Variants in EXO1 observed in about 807,000 individuals in gnomAD.
EXO1 encodes exonuclease 1.
EXO1 carries 69 observed loss-of-function variants against 84.5 expected under a neutral mutation model. That is an observed-to-expected ratio of 0.82 (90% CI 0.67 to 1.00). EXO1 has a LOEUF of 1.00. EXO1 is among the 50% of genes least tolerant of loss of function. The pLI, the probability that EXO1 is intolerant of heterozygous loss-of-function variation, is 0.00. For missense variants in EXO1, 1,045 were observed against 1,000.7 expected, an observed-to-expected ratio of 1.04 and a Z score of -0.60; for synonymous variants, 373 against 366.1, an observed-to-expected ratio of 1.02 and a Z score of -0.21.
At position 241,850,392 on chromosome 1, in the gene EXO1, G is replaced by C. The variant is rs1218659281; in HGVS notation, c.-17-17G>C. On this transcript the variant is annotated splice_polypyrimidine_tract_variant and intron_variant, in intron 3 of 15. Transcript: ENST00000366548. ...TTCTTTAAATATTACTGTTCTCCCT[G>C]TCTCTTTTCATATCAGGTAGTTAAT... is the stretch of plus-strand genomic sequence containing the variant. The C allele has an allele frequency of 6.5e-7, 1 of 1,532,810 alleles. No homozygotes were observed. The highest frequency in any genetic ancestry group is 9.0e-7 in the Non-Finnish European group (1 of 1,106,588). 95.0% of individuals were successfully genotyped at this position (1,532,810 alleles called of 1,614,324 possible). A position where few individuals can be genotyped will look rare whatever the true frequency, so the allele number is the denominator to read the frequency against.
At chr1:241,881,022 T>TC (rs1281576040) in intron 13 of EXO1, among the ~76,000 whole-genome samples, 1 of 152,036 alleles carries the variant, frequency 6.6e-6, no homozygotes, top group Non-Finnish European at 1.5e-5. Context: ...TTTTTATTGC[T>TC]CTTTTGTTTT....
intron 14 of EXO1, among the ~76,000 whole-genome samples, chr1:241,884,667 GTGTGTGT>G (rs1423099101): frequency 6.8e-4 from 12 of 17,566 alleles, no homozygotes; most frequent in South Asian, 5.7e-3. Flanking sequence ...GTGTGTGTGT[GTGTGTGT>G]GTGCACGTGC....
At chr1:241,872,314 G>A (rs1275952225) in intron 12 of EXO1, 36 bp downstream of exon 12, 4 of 1,605,158 alleles carry the variant, frequency 2.5e-6, no homozygotes, top group Non-Finnish European at 3.4e-6. Context: ...ATTGTCTGTT[G>A]TATTATGTAC....
chr1:241,882,004 C>T lies in EXO1; in HGVS notation c.2198C>T (p.Pro733Leu), dbSNP rs1662793970. 1 of 1,506,874 alleles carries T rather than the reference C, an allele frequency of 6.6e-7. No homozygotes were observed. The highest frequency in any genetic ancestry group is 9.2e-7 in the Non-Finnish European group (1 of 1,084,002). 93.3% of individuals were successfully genotyped at this position (1,506,874 alleles called of 1,614,324 possible). A position where few individuals can be genotyped will look rare whatever the true frequency, so the allele number is the denominator to read the frequency against. Residue 733 changes from proline (P) to leucine (L), a missense_variant, in exon 14 of 16, where the codon CCT (proline) becomes CTT (leucine). Pro to Leu is a moderately conservative substitution (Grantham distance 98, BLOSUM62 -3). Transcript: ENST00000366548. ...TCTCATTTCTCAAAAAAAGACACAC[C>T]TCTAAGGAACAAGGTAAAACATTTA... ...RLSHFSKKDT[P>L]LRNKVPGLYK... is the part of the protein sequence containing the mutation.
At chr1:241,868,266 C>G (rs1661863133) in intron 11 of EXO1, among the ~76,000 whole-genome samples, 1 of 151,032 alleles carries the variant, frequency 6.6e-6, no homozygotes, top group Non-Finnish European at 1.5e-5. Flanking sequence ...ATCCCAGCTA[C>G]TTGTGAGGCT....
In EXO1 at chr1:241,878,465, C is replaced by T. The variant is rs140874137; in HGVS notation, c.1515-284C>T. Among the ~76,000 whole-genome samples, 1,176 of 146,160 alleles carry T rather than the reference C, an allele frequency of 8.0e-3. 20 individuals carry two copies. Among genetic ancestry groups the T allele is most frequent in the African/African-American group, 0.029 (1,125 of 39,352 alleles). ...TGAGCCAAGATCCCGCCACTGCACT[C>T]CAGCCTGGTGACAGAGAGAGACTCT... is the stretch of plus-strand genomic sequence containing the variant. On this transcript the variant is annotated intron_variant, in intron 12 of 15. Transcript: ENST00000366548.
At chr1:241,858,469 C>T in intron 7 of EXO1, 37 bp from the exon 8 acceptor site, 2 of 1,363,922 alleles carry the variant, frequency 1.5e-6, no homozygotes, top group Middle Eastern at 1.8e-4. Flanking sequence ...ACAAAAGTGG[C>T]CCTTCTAGGT....
intron 12 of EXO1, among the ~76,000 whole-genome samples, chr1:241,878,327 C>T (rs4149974): frequency 0.013 from 2,034 of 152,144 alleles, 42 homozygotes; most frequent in African/African-American, 0.047. Context: ...GGAGAAACCC[C>T]GTCTCTACTA....
intron 11 of EXO1, among the ~76,000 whole-genome samples, chr1:241,867,376 T>C (rs543253574): frequency 2.0e-5 from 3 of 152,240 alleles, no homozygotes; most frequent in African/African-American, 7.2e-5. Context: ...CCATCAGATC[T>C]CATGAGACTT....
chr1:241,866,277 C>A (rs905725545), intron 10 of EXO1, among the ~76,000 whole-genome samples: 20 of 152,288 alleles, frequency 1.3e-4, no homozygotes, highest in Non-Finnish European at 1.3e-4. Flanking sequence ...CCACACCTGG[C>A]TAATTTTTGT....
At chr1:241,858,867 T>C (rs922597977) in intron 8 of EXO1, 149 bp downstream of exon 8, 1 of 682,132 alleles carries the variant, frequency 1.5e-6, no homozygotes, top group Non-Finnish European at 2.5e-6. Context: ...ACTAGAACTT[T>C]GCCTTAGCAA....
At chr1:241,854,144 T>C (rs887043140) in intron 6 of EXO1, among the ~76,000 whole-genome samples, 1 of 152,104 alleles carries the variant, frequency 6.6e-6, no homozygotes, top group African/African-American at 2.4e-5. Context: ...TTTTGTTCGT[T>C]TGTTTGTTTT....
intron 13 of EXO1, 97 bp downstream of exon 13, chr1:241,879,440 G>A (rs1332703908): frequency 1.9e-5 from 13 of 701,128 alleles, no homozygotes; most frequent in African/African-American, 5.4e-5. Flanking sequence ...TGTGAATGAC[G>A]AGCTATATTA....
chr1:241,855,645 G>A (rs935452901), intron 6 of EXO1, among the ~76,000 whole-genome samples: 1 of 152,218 alleles, frequency 6.6e-6, no homozygotes, highest in Non-Finnish European at 1.5e-5. Context: ...GTGCTCGTTG[G>A]GGAGGCTCGG....
intron 14 of EXO1, among the ~76,000 whole-genome samples, chr1:241,884,929 C>T (rs563590441): frequency 3.3e-5 from 5 of 152,048 alleles, no homozygotes; most frequent in Non-Finnish European, 5.9e-5. Flanking sequence ...ATAGTTTGGC[C>T]GTGTGTGGTG....
Position 241,872,256 on chromosome 1 carries a change from G to A in EXO1, c.1492G>A (p.Val498Met), listed in dbSNP as rs968122650. Residue 498 changes from valine to methionine, a missense_variant, in exon 12 of 16, where the codon GTG becomes ATG. Coordinates refer to ENST00000366548, the MANE Select transcript of EXO1 (RefSeq NM_130398.4). ...GAAAAATGAAGAAAGTGGTGCAGTT[G>A]TGGTTCCAGGGACCAGAAGCAGGTA... ...QRKNEESGAVVVPGTRSRFFC... is the reference protein window; with the variant it reads ...QRKNEESGAVMVPGTRSRFFC... 1 of 1,614,090 alleles carries A rather than the reference G, an allele frequency of 6.2e-7. No homozygotes were observed. Among genetic ancestry groups the A allele is most frequent in the African/African-American group, 1.3e-5 (1 of 75,042 alleles).
chr1:241,854,225 C>T (rs1407557625), intron 6 of EXO1, among the ~76,000 whole-genome samples: 1 of 152,202 alleles, frequency 6.6e-6, no homozygotes, highest in East Asian at 1.9e-4. Context: ...GCAACCTCTG[C>T]CTCCCGGGTT....
At position 241,889,930 on chromosome 1, in the gene EXO1, G is replaced by A; in HGVS notation, c.*330G>A. The A allele has an allele frequency of 3.1e-6, 1 of 317,714 alleles. No individual in the cohort carries two copies. Among genetic ancestry groups the A allele is most frequent in the South Asian group, 3.0e-5 (1 of 33,684 alleles). The allele number at this position is 317,714 out of a possible 1,614,324, so 19.7% of individuals were successfully genotyped here. On this transcript the variant is annotated 3_prime_UTR_variant, in exon 16 of 16. Transcript: ENST00000366548. ...GTCAAGTAGAAAGATAGTAAATGGA[G>A]AAACTACAATCCTAGAGGAAATCAC... is the stretch of plus-strand genomic sequence containing the variant.
At chr1:241,861,230 T>C (rs1037758037) in intron 9 of EXO1, among the ~76,000 whole-genome samples, 176 bp from the exon 10 acceptor site, 2 of 152,236 alleles carry the variant, frequency 1.3e-5, no homozygotes, top group East Asian at 1.9e-4. Context: ...CAGAGACAGA[T>C]AGAGACTAGC....
Sources: gnomAD v4.1 joint callset for allele counts (sites outside exome capture counted in the v4.1 genomes callset) on GRCh38, gnomAD v4.1.1 for gene constraint, MANE v1.5 for transcripts, NCBI Gene and HGNC (gene_info 2026-07-23, HGNC 2026-07-21) for gene names.